CAPN11: variants seen among roughly 807,000 people sequenced by gnomAD.
CAPN11 encodes calpain-11.
A neutral mutation model predicts 105.3 loss-of-function variants in CAPN11; 108 were observed. That is an observed-to-expected ratio of 1.03 (90% CI 0.88 to 1.20). The LOEUF is 1.20. CAPN11 is among the 50% of genes most tolerant of loss of function. CAPN11 has a pLI of 0.00. For synonymous variants in CAPN11, 329 were observed against 344.5 expected (o/e 0.96, Z 0.50); for missense variants, 883 against 924.8 (o/e 0.95, Z 0.59).
At chr6:44,163,458 C>T (rs1008842456) in intron 1 of CAPN11, among the ~76,000 whole-genome samples, 24 of 152,202 alleles carry the variant, frequency 1.6e-4, no homozygotes, top group African/African-American at 3.6e-4. Flanking sequence ...CTCACCATGG[C>T]GACCTCCCAG....
At chr6:44,180,702 G>A in intron 16 of CAPN11, 40 bp downstream of exon 16, 1 of 1,613,506 alleles carries the variant, frequency 6.2e-7, no homozygotes, top group Non-Finnish European at 8.5e-7. Flanking sequence ...GGAGGGGGAT[G>A]AGGGGCTGGA....
chr6:44,170,796 G>A (rs1770859054), intron 4 of CAPN11, among the ~76,000 whole-genome samples: 3 of 152,102 alleles, frequency 2.0e-5, no homozygotes, highest in Admixed American at 6.5e-5. Context: ...AGGGCAACGG[G>A]GTCTACTCAG....
chr6:44,166,161 G>A (rs906673220), intron 1 of CAPN11, among the ~76,000 whole-genome samples: 1 of 152,112 alleles, frequency 6.6e-6, no homozygotes, highest in Non-Finnish European at 1.5e-5. Flanking sequence ...GTTTGCTTGG[G>A]GCAGTGGCAA....
At chr6:44,170,623 T>G (rs569680169) in intron 4 of CAPN11, among the ~76,000 whole-genome samples, 1 of 152,290 alleles carries the variant, frequency 6.6e-6, no homozygotes, top group South Asian at 2.1e-4. Context: ...GAGTTGCACA[T>G]CATCACTTCC....
chr6:44,171,872 C>T (rs1481469387), intron 4 of CAPN11, among the ~76,000 whole-genome samples: 7 of 152,126 alleles, frequency 4.6e-5, no homozygotes, highest in Non-Finnish European at 8.8e-5. Flanking sequence ...TTAAGACCAG[C>T]GTGGCCAACA....
chr6:44,163,155 C>A (rs886166575), intron 1 of CAPN11, among the ~76,000 whole-genome samples: 6 of 152,204 alleles, frequency 3.9e-5, no homozygotes, highest in African/African-American at 1.4e-4. Context: ...AGGTAGAATG[C>A]AGCAGCCTCT....
intron 1 of CAPN11, 97 bp downstream of exon 1, chr6:44,158,961 C>T (rs1020307127): frequency 2.4e-6 from 2 of 818,656 alleles, no homozygotes; most frequent in African/African-American, 6.7e-5. Flanking sequence ...ACTGGGTGCC[C>T]CTTGAGGGTA....
chr6:44,180,976 C>A lies in CAPN11; in HGVS notation c.1848C>A (p.Arg616=), dbSNP rs1416787036. Residue 616 remains arginine (R), a synonymous_variant, in exon 18 of 23, where the codon CGC becomes CGA. Transcript: ENST00000398776. ...KTKGFGLDAC[R]CMINLMDKDG... is the part of the protein sequence containing the mutation. ...AGGGCTTTGGCCTGGATGCTTGCCG[C>A]TGCATGATCAACCTCATGGATGTAT... 6.2e-7 allele frequency: 1 copy of A among 1,613,624 alleles called. No individual in the cohort carries two copies. Among genetic ancestry groups the A allele is most frequent in the Admixed American group, 1.7e-5 (1 of 60,006 alleles).
chr6:44,158,924 C>G (rs1363082558), intron 1 of CAPN11, 60 bp downstream of exon 1: 10 of 1,418,940 alleles, frequency 7.0e-6, no homozygotes, highest in Non-Finnish European at 7.7e-6. Flanking sequence ...AGCCTCCCCC[C>G]AGGGGAGGAG....
rs749806809 is a variant in CAPN11 at position 44,183,927 on chromosome 6, G to A, written c.2215G>A (p.Gly739Arg). The A allele has an allele frequency of 2.6e-6, 4 of 1,555,578 alleles. No homozygotes were observed. The South Asian group carries it at 4.7e-5, about 18-fold the overall frequency. The change falls in exon 23 of 23, where the codon GGA (glycine) becomes AGA (arginine). Residue 739 changes from glycine (G) to arginine (R), a missense_variant. Transcript: ENST00000398776. ...ACAGTGGCTGCAGATGACCATGTGG[G>A]GATAGAGGCGCTGTAGGAGCCTGGT... Reference protein sequence around the residue: ...LEQWLQMTMWG With the variant: ...LEQWLQMTMWR
In CAPN11 at chr6:44,183,715, A is replaced by C; in HGVS notation, c.2145A>C (p.Leu715=). Residue 715 remains leucine (L), a synonymous_variant, in exon 22 of 23, where the codon CTA becomes CTC. Coordinates refer to ENST00000398776, the MANE Select transcript of CAPN11 (RefSeq NM_007058.4). The part of the protein sequence containing the change: ...LRLKTMFTFF[L]TMDPKNTGHI... ...TCCTCTGTAACGCAGCATTCTTTCT[A>C]ACCATGGACCCCAAGAATACTGGCC... 1 of 1,613,792 alleles carries C rather than the reference A, an allele frequency of 6.2e-7. No individual in the cohort carries two copies. The highest frequency in any genetic ancestry group is 8.5e-7 in the Non-Finnish European group (1 of 1,179,814).
At chr6:44,177,492 C>CTTTCTTTCTT in intron 12 of CAPN11, 72 bp downstream of exon 12, 2 of 1,044,336 alleles carry the variant, frequency 1.9e-6, no homozygotes, top group Admixed American at 5.5e-5. Context: ...TTCTTTCTTT[C>CTTTCTTTCTT]TTTTTTTTTT....
At position 44,169,959 on chromosome 6, in the gene CAPN11, C is replaced by G; in HGVS notation, c.393C>G (p.Ile131Met). The G allele has an allele frequency of 6.2e-7, 1 of 1,611,570 alleles. No homozygotes were observed. The highest frequency in any genetic ancestry group is 8.5e-7 in the Non-Finnish European group (1 of 1,178,730). The change falls in exon 4 of 23, where the codon ATC becomes ATG. Residue 131 changes from isoleucine (I) to methionine (M), a missense_variant. Physicochemically the swap from Ile to Met is conservative, Grantham distance 10. Coordinates refer to ENST00000398776, the MANE Select transcript of CAPN11 (RefSeq NM_007058.4). ...TGGATGGGATTTCTCCAACAGACAT[C>G]TGCCAGGGGATCCTCGGTGAGTGGG... is the stretch of plus-strand genomic sequence containing the variant. ...FIMDGISPTD[I>M]CQGILGDCWL...
chr6:44,182,264 A>T (rs867179928), intron 19 of CAPN11, among the ~76,000 whole-genome samples: 7 of 75,152 alleles, frequency 9.3e-5, no homozygotes, highest in African/African-American at 1.9e-4. Context: ...ACACACACAC[A>T]CACATACAGA....
At chr6:44,175,964 TA>T (rs1300915351) in intron 7 of CAPN11, 103 bp from the exon 8 acceptor site, 7 of 662,474 alleles carry the variant, frequency 1.1e-5, no homozygotes, top group Non-Finnish European at 1.9e-5. Context: ...AAGTTTAGTT[TA>T]AAAAAATTAA....
intron 7 of CAPN11, among the ~76,000 whole-genome samples, chr6:44,175,624 G>A (rs2396168): frequency 0.61 from 91,897 of 151,180 alleles, 28,188 homozygotes; most frequent in Non-Finnish European, 0.66. Flanking sequence ...AAAAATACAA[G>A]AAATTAGCCA....
chr6:44,174,117 C>T (rs1287935596), intron 7 of CAPN11, among the ~76,000 whole-genome samples: 2 of 152,114 alleles, frequency 1.3e-5, no homozygotes, highest in African/African-American at 4.8e-5. Flanking sequence ...TACATGAACC[C>T]AGGGTGCTAC....
rs1770329038 is a variant in CAPN11 at position 44,168,300 on chromosome 6, C to T, written c.89-981C>T. On this transcript the variant is annotated intron_variant, in intron 2 of 22. Coordinates refer to ENST00000398776, the MANE Select transcript of CAPN11 (RefSeq NM_007058.4). ...TTTTTTCTTTTTTGAGATGGAGCCT[C>T]ACTCTGTCGCCCATGCTAGAGTTCG... 2.0e-5 allele frequency among the ~76,000 whole-genome samples: 3 copies of T among 152,118 alleles called. 1 individual carries two copies. The South Asian group carries it at 6.2e-4, about 31-fold the overall frequency.
chr6:44,174,512 T>C (rs1157811966), intron 7 of CAPN11, among the ~76,000 whole-genome samples: 1 of 43,566 alleles, frequency 2.3e-5, no homozygotes, highest in Non-Finnish European at 3.9e-5. Context: ...ACCTCATCTC[T>C]ACCAAAAAAA....
Sources: gnomAD v4.1 joint callset for allele counts (sites outside exome capture counted in the v4.1 genomes callset) on GRCh38, gnomAD v4.1.1 for gene constraint, MANE v1.5 for transcripts, NCBI Gene and HGNC (gene_info 2026-07-23, HGNC 2026-07-21) for gene names.